The following CLIP4 variants were observed in gnomAD, a reference collection of about 807,000 sequenced individuals.
The protein encoded by CLIP4 is CAP-Gly domain-containing linker protein 4.
Under a neutral mutation model 73.1 loss-of-function variants are expected in CLIP4, and 47 were observed. That is an observed-to-expected ratio of 0.64 (90% confidence interval 0.51 to 0.82). The LOEUF is 0.82. Ranked by LOEUF, CLIP4 falls within the 40% of genes least tolerant of loss-of-function variation. The probability of loss-of-function intolerance (pLI) is 0.00; values close to 1 mark genes in which losing one functional copy is unlikely to be tolerated. For missense variants in CLIP4, 874 were observed against 852.9 expected (o/e 1.02, Z -0.31); for synonymous variants, 306 against 295.4 (o/e 1.04, Z -0.37).
chr2:29,181,391 G>C (rs1668634569), intron 15 of CLIP4, among the ~76,000 whole-genome samples, 181 bp from the exon 16 acceptor site: 1 of 152,128 alleles, frequency 6.6e-6, no homozygotes, highest in Non-Finnish European at 1.5e-5. Context: ...TGTAGTTCAT[G>C]GGTCAACTGT....
At chr2:29,171,664 A>T (rs1187964985) in intron 14 of CLIP4, among the ~76,000 whole-genome samples, 1 of 151,720 alleles carries the variant, frequency 6.6e-6, no homozygotes. Flanking sequence ...GACTACAGGC[A>T]CCCACCACCA....
At chr2:29,160,088 C>G (rs1667190402) in intron 11 of CLIP4, among the ~76,000 whole-genome samples, 1 of 152,154 alleles carries the variant, frequency 6.6e-6, no homozygotes, top group Non-Finnish European at 1.5e-5. Context: ...TGTGAATTTC[C>G]CATGGCAGTA....
At chr2:29,148,566 C>T (rs540158208) in intron 8 of CLIP4, among the ~76,000 whole-genome samples, 22 of 152,284 alleles carry the variant, frequency 1.4e-4, no homozygotes, top group African/African-American at 5.1e-4. Flanking sequence ...TGTCTCTTAG[C>T]TTGTTTTTCT....
chr2:29,161,443 G>T (rs953267350), intron 12 of CLIP4, among the ~76,000 whole-genome samples: 1 of 151,956 alleles, frequency 6.6e-6, no homozygotes, highest in Non-Finnish European at 1.5e-5. Flanking sequence ...AAAGTTTGTA[G>T]CATTTAGCCA....
intron 11 of CLIP4, 136 bp downstream of exon 11, chr2:29,157,483 C>T (rs1253870994): frequency 2.2e-6 from 3 of 1,368,732 alleles, no homozygotes; most frequent in Non-Finnish European, 3.1e-6. Context: ...TCTTCCCCAC[C>T]TCCCCCGAAC....
At chr2:29,112,059 G>A (rs1395152504), upstream of CLIP4, among the ~76,000 whole-genome samples, 1 of 152,108 alleles carries the variant, frequency 6.6e-6, no homozygotes, top group African/African-American at 2.4e-5. Context: ...TACCACCTTT[G>A]TGTAAATGGA....
At chr2:29,098,538 A>G (rs1667944872) in intron 1 of CLIP4, among the ~76,000 whole-genome samples, 1 of 152,220 alleles carries the variant, frequency 6.6e-6, no homozygotes, top group African/African-American at 2.4e-5. Flanking sequence ...TCATGGCCTG[A>G]TAGCTCATTA....
chr2:29,127,463 C>A (rs1421002213), intron 2 of CLIP4, among the ~76,000 whole-genome samples: 2 of 152,048 alleles, frequency 1.3e-5, no homozygotes, highest in African/African-American at 2.4e-5. Flanking sequence ...TATTCTTCAC[C>A]AAATTGCTGT....
At chr2:29,141,125 A>G (rs563859419) in intron 6 of CLIP4, among the ~76,000 whole-genome samples, 28 of 152,034 alleles carry the variant, frequency 1.8e-4, no homozygotes, top group Admixed American at 1.1e-3. Context: ...GTTTGCATGT[A>G]TTTGTGTGGT....
At chr2:29,124,730 C>T (rs1229962276) in intron 2 of CLIP4, among the ~76,000 whole-genome samples, 1 of 151,808 alleles carries the variant, frequency 6.6e-6, no homozygotes, top group East Asian at 1.9e-4. Context: ...TGATTTTTTC[C>T]AGTGCAGTTT....
chr2:29,099,913 T>G (rs946767909), intron 1 of CLIP4, among the ~76,000 whole-genome samples: 2 of 152,226 alleles, frequency 1.3e-5, no homozygotes, highest in Non-Finnish European at 2.9e-5. Context: ...TTTGTTAGAT[T>G]TATACATAAC....
intron 15 of CLIP4, among the ~76,000 whole-genome samples, chr2:29,174,943 C>T (rs1046227510): frequency 6.6e-6 from 1 of 151,786 alleles, no homozygotes; most frequent in Non-Finnish European, 1.5e-5. Flanking sequence ...TTGTTTATCT[C>T]CCTGAGACCC....
At chr2:29,130,860 T>C (rs968875147) in intron 2 of CLIP4, 6 of 1,290,014 alleles carry the variant, frequency 4.7e-6, no homozygotes, top group Admixed American at 2.3e-5. Context: ...CCACTACTTA[T>C]GCATGCTGTT....
chr2:29,118,621 C>A (rs906646654), intron 1 of CLIP4, among the ~76,000 whole-genome samples: 1 of 151,280 alleles, frequency 6.6e-6, no homozygotes, highest in Non-Finnish European at 1.5e-5. Flanking sequence ...CAGGTTCAAG[C>A]GATTCTTCTG....
intron 1 of CLIP4, among the ~76,000 whole-genome samples, chr2:29,102,768 G>A (rs951014872): frequency 2.6e-5 from 4 of 151,984 alleles, no homozygotes; most frequent in African/African-American, 9.7e-5. Flanking sequence ...TGGGATTACC[G>A]GTGCCCACCA....
At position 29,133,726 on chromosome 2, in the gene CLIP4, C is replaced by T. The variant is rs747478205; in HGVS notation, c.439C>T (p.Arg147Cys). Residue 147 changes from arginine (R) to cysteine (C), a missense_variant, in exon 5 of 16, where the codon CGC becomes TGC. Physicochemically the swap from Arg to Cys is radical, Grantham distance 180. Transcript: ENST00000320081. Reference protein sequence around the residue: ...DLGADISLRSRWTNMNALHYA... With the variant: ...DLGADISLRSCWTNMNALHYA... ...GGGAGCAGACATTAGTTTGCGGAGT[C>T]GCTGGACAAACATGAATGCTTTGCA... is the stretch of plus-strand genomic sequence containing the variant. 17 of 1,613,568 alleles carry T rather than the reference C, an allele frequency of 1.1e-5. No individual in the cohort carries two copies. The highest frequency in any genetic ancestry group is 1.4e-5 in the Non-Finnish European group (16 of 1,179,844).
chr2:29,143,827 C>A lies in CLIP4; in HGVS notation c.767C>A (p.Pro256His). Reference sequence around the variant, plus strand: ...AAGCAGATGCTTCTAGATGCGGTGCCTCTGTCATGTAACATCTCAAAGGCC... The same window carrying A: ...AAGCAGATGCTTCTAGATGCGGTGCATCTGTCATGTAACATCTCAAAGGCC... ...EIKQMLLDAVPLSCNISKAML... is the reference protein window; with the variant it reads ...EIKQMLLDAVHLSCNISKAML... The change falls in exon 7 of 16, where the codon CCT becomes CAT. Residue 256 changes from proline (P) to histidine (H), a missense_variant. Physicochemically the swap from Pro to His is moderately conservative, Grantham distance 77 (BLOSUM62 -2). Coordinates refer to ENST00000320081, the MANE Select transcript of CLIP4 (RefSeq NM_024692.6). 6.2e-7 allele frequency: 1 copy of A among 1,614,148 alleles called. No homozygotes were observed.
chr2:29,134,515 C>T (rs1202372709), intron 5 of CLIP4, among the ~76,000 whole-genome samples: 1 of 152,098 alleles, frequency 6.6e-6, no homozygotes, highest in East Asian at 1.9e-4. Flanking sequence ...CATAATTGTC[C>T]ATTTTCTCTT....
chr2:29,164,053 A>G (rs1667454036), intron 13 of CLIP4, 99 bp downstream of exon 13: 2 of 1,016,156 alleles, frequency 2.0e-6, no homozygotes, highest in Non-Finnish European at 2.8e-6. Context: ...CTCTGATTGT[A>G]GCTCATGTCT....
Sources: allele counts gnomAD v4.1 joint callset (sites outside exome capture counted in the v4.1 genomes callset), GRCh38; gene constraint gnomAD v4.1.1; transcripts MANE v1.5; gene names NCBI Gene and HGNC (gene_info 2026-07-23, HGNC 2026-07-21).